PARD3: variants seen among roughly 807,000 people sequenced by gnomAD.
PARD3 encodes partitioning defective 3 homolog.
In PARD3, 75 loss-of-function variants were observed where a neutral mutation model predicts 155.4. That is an observed-to-expected ratio of 0.48 (90% CI 0.40 to 0.58). The LOEUF (loss-of-function observed/expected upper bound fraction) is 0.58, where lower values mean the gene tolerates loss of function less well. Among genes scored for constraint, PARD3 ranks in the 20% least tolerant of loss-of-function variants. The pLI is 0.00. For missense variants in PARD3, 1,642 were observed against 1,721.7 expected (o/e 0.95, Z 0.82); for synonymous variants, 576 against 610.5 (o/e 0.94, Z 0.83).
chr10:34,563,634 G>C (rs1338146898), intron 2 of PARD3, among the ~76,000 whole-genome samples: 1 of 151,750 alleles, frequency 6.6e-6, no homozygotes, highest in Non-Finnish European at 1.5e-5. Context: ...GGGTTCAAGT[G>C]ATTCTTCTGC....
intron 1 of PARD3, among the ~76,000 whole-genome samples, chr10:34,706,955 A>T (rs1008839735): frequency 4.6e-5 from 7 of 152,078 alleles, no homozygotes; most frequent in African/African-American, 1.7e-4. Context: ...AAAAAATTTT[A>T]AAAATTAGGG....
At chr10:34,721,112 T>C (rs965548534) in intron 1 of PARD3, among the ~76,000 whole-genome samples, 5 of 152,154 alleles carry the variant, frequency 3.3e-5, no homozygotes, top group African/African-American at 1.2e-4. Context: ...TATCAACTAT[T>C]CAAAGTAACT....
At chr10:34,490,697 T>C (rs2079840970) in intron 3 of PARD3, among the ~76,000 whole-genome samples, 1 of 152,204 alleles carries the variant, frequency 6.6e-6, no homozygotes, top group Non-Finnish European at 1.5e-5. Context: ...AACTCTTTCT[T>C]ACATATACTG....
chr10:34,323,099 A>C (rs1415409012), intron 19 of PARD3, among the ~76,000 whole-genome samples: 1 of 152,362 alleles, frequency 6.6e-6, no homozygotes, highest in African/African-American at 2.4e-5. Flanking sequence ...CTGGACTTTC[A>C]GTCGCTGCAA....
At chr10:34,584,614 A>T (rs899803291) in intron 2 of PARD3, among the ~76,000 whole-genome samples, 1 of 152,160 alleles carries the variant, frequency 6.6e-6, no homozygotes, top group African/African-American at 2.4e-5. Flanking sequence ...AACAAACGTT[A>T]CCTGACTCAA....
At chr10:34,373,647 T>C (rs1281743070) in intron 11 of PARD3, among the ~76,000 whole-genome samples, 1 of 151,964 alleles carries the variant, frequency 6.6e-6, no homozygotes, top group Non-Finnish European at 1.5e-5. Flanking sequence ...TGAATTTAAA[T>C]TGAGAAATAA....
chr10:34,296,327 G>A (rs1365373337), intron 20 of PARD3, among the ~76,000 whole-genome samples: 1 of 152,072 alleles, frequency 6.6e-6, no homozygotes, highest in African/African-American at 2.4e-5. Context: ...AAACTCCTGG[G>A]TTCAAGAATT....
At chr10:34,727,221 T>C (rs1487080525) in intron 1 of PARD3, among the ~76,000 whole-genome samples, 4 of 152,062 alleles carry the variant, frequency 2.6e-5, no homozygotes, top group South Asian at 4.1e-4. Flanking sequence ...ACAGGATGAG[T>C]GGGTGCCTGC....
At chr10:34,442,767 A>T (rs2076531962) in intron 5 of PARD3, among the ~76,000 whole-genome samples, 1 of 152,216 alleles carries the variant, frequency 6.6e-6, no homozygotes. Flanking sequence ...GCTGCTCAGA[A>T]GGCTAAAGCA....
chr10:34,421,787 G>T (rs1236026425), intron 5 of PARD3, among the ~76,000 whole-genome samples: 2 of 152,090 alleles, frequency 1.3e-5, no homozygotes, highest in East Asian at 3.8e-4. Flanking sequence ...GGCAGGGAAA[G>T]AAAATACACA....
chr10:34,386,835 AATT>A (rs974021671), intron 7 of PARD3, among the ~76,000 whole-genome samples: 1 of 151,552 alleles, frequency 6.6e-6, no homozygotes, highest in African/African-American at 2.4e-5. Context: ...AAAAAAAAAG[AATT>A]ATTAAGATAT....
intron 22 of PARD3, among the ~76,000 whole-genome samples, chr10:34,197,668 C>T (rs1037807613): frequency 2.0e-5 from 3 of 152,184 alleles, no homozygotes; most frequent in South Asian, 2.1e-4. Flanking sequence ...ACTAGTTCTT[C>T]GTTTGAATTC....
rs757358573 is a variant in PARD3, at chr10:34,399,288, C to G, written c.890+42G>C. The G allele has an allele frequency of 5.1e-6, 6 of 1,184,424 alleles. No homozygotes were observed. In the South Asian group the frequency reaches 7.3e-5, roughly 14 times the overall value. 73.4% of individuals were successfully genotyped at this position (1,184,424 alleles called of 1,614,324 possible). ...TCTGAGCATAAATGAAGATAAAACA[C>G]TCTACATTATGATTCAATTAAAAAC... On this transcript the variant is annotated intron_variant, in intron 7 of 24. Transcript: ENST00000374788.
chr10:34,719,809 T>C (rs1239195595), intron 1 of PARD3, among the ~76,000 whole-genome samples: 3 of 152,240 alleles, frequency 2.0e-5, no homozygotes, highest in Admixed American at 2.0e-4. Flanking sequence ...GTGATATGAT[T>C]AACAAAATTA....
At chr10:34,399,807 A>C (rs554610179) in intron 6 of PARD3, among the ~76,000 whole-genome samples, 1 of 152,374 alleles carries the variant, frequency 6.6e-6, no homozygotes, top group African/African-American at 2.4e-5. Flanking sequence ...AGGACTCTAA[A>C]GATTAACTGA....
chr10:34,391,402 T>C (rs1378091821), intron 7 of PARD3, among the ~76,000 whole-genome samples: 1 of 152,204 alleles, frequency 6.6e-6, no homozygotes, highest in African/African-American at 2.4e-5. Flanking sequence ...AGAAGGTTTT[T>C]CTTTTTTCCC....
intron 22 of PARD3, among the ~76,000 whole-genome samples, chr10:34,219,953 T>G (rs1952194170): frequency 6.6e-6 from 1 of 152,324 alleles, no homozygotes; most frequent in East Asian, 1.9e-4. Context: ...TTCATGACCT[T>G]TTTGTTTTAC....
chr10:34,148,057 C>T (rs542270261), intron 22 of PARD3, among the ~76,000 whole-genome samples: 2 of 151,958 alleles, frequency 1.3e-5, no homozygotes, highest in Non-Finnish European at 2.9e-5. Context: ...AAGCCAAGAC[C>T]AAATGGGACT....
intron 3 of PARD3, among the ~76,000 whole-genome samples, chr10:34,514,596 C>A (rs2081595621): frequency 6.6e-6 from 1 of 152,164 alleles, no homozygotes; most frequent in African/African-American, 2.4e-5. Flanking sequence ...CCTTAGCATA[C>A]CAAAATGAGA....
Sources: allele counts gnomAD v4.1 joint callset (sites outside exome capture counted in the v4.1 genomes callset), GRCh38; gene constraint gnomAD v4.1.1; transcripts MANE v1.5; gene names NCBI Gene and HGNC (gene_info 2026-07-23, HGNC 2026-07-21).